TRPM1: variants seen among roughly 807,000 people sequenced by gnomAD.
The protein encoded by TRPM1 is TRPM1-203 APA Isoform, Intron 10.
Under a neutral mutation model 149.4 loss-of-function variants are expected in TRPM1, and 113 were observed. That is an observed-to-expected ratio of 0.76 (90% confidence interval 0.65 to 0.88). The LOEUF (loss-of-function observed/expected upper bound fraction) is 0.88. Among genes scored for constraint, TRPM1 ranks in the 40% least tolerant of loss-of-function variants. TRPM1 has a pLI of 0.00. For synonymous variants in TRPM1, 741 were observed against 759.5 expected, an observed-to-expected ratio of 0.98 and a Z score of 0.40; for missense variants, 1,976 against 2,038.7, an observed-to-expected ratio of 0.97 and a Z score of 0.59.
intron 4 of TRPM1, 111 bp downstream of exon 4, chr15:31,069,920 G>A (rs780163346): frequency 1.2e-6 from 2 of 1,609,448 alleles, no homozygotes; most frequent in Non-Finnish European, 1.7e-6. Flanking sequence ...TATCTAGGAA[G>A]ATTGAGCCAC....
At chr15:31,134,772 T>C (rs550690512) in intron 1 of TRPM1, among the ~76,000 whole-genome samples, 1 of 152,310 alleles carries the variant, frequency 6.6e-6, no homozygotes, top group South Asian at 2.1e-4. Flanking sequence ...GAGGCCAAGG[T>C]GGGCAGATCA....
chr15:31,141,109 G>T (rs1447605588), intron 1 of TRPM1, among the ~76,000 whole-genome samples: 1 of 151,948 alleles, frequency 6.6e-6, no homozygotes, highest in Non-Finnish European at 1.5e-5. Flanking sequence ...TGGGATTACA[G>T]GCATGAGCCA....
Position 31,161,067 on chromosome 15 carries a change from C to T in TRPM1, c.-108G>A, listed in dbSNP as rs560337617. The T allele has an allele frequency of 6.5e-5, 75 of 1,147,684 alleles. No individual in the cohort carries two copies. In the African/African-American group the frequency reaches 8.3e-4, roughly 13 times the overall value. The allele number at this position is 1,147,684 out of a possible 1,614,324, so 71.1% of individuals were successfully genotyped here. ...GGCAGGAGCGGAGCCACACACTCGG[C>T]GGCAGCCCCACACTCGGCGGCAGCC... On this transcript the variant is annotated 5_prime_UTR_variant, in exon 1 of 27. Transcript: ENST00000542188.
intron 1 of TRPM1, among the ~76,000 whole-genome samples, chr15:31,112,152 C>A (rs558313667): frequency 6.6e-6 from 1 of 152,272 alleles, no homozygotes; most frequent in African/African-American, 2.4e-5. Flanking sequence ...ATGTGGCATT[C>A]TACTTTTTAA....
intron 1 of TRPM1, among the ~76,000 whole-genome samples, chr15:31,124,531 G>A (rs2035919708): frequency 6.6e-6 from 1 of 151,592 alleles, no homozygotes. Flanking sequence ...GTGCACACCT[G>A]TAATCCCAGC....
chr15:31,126,836 G>A (rs757392211), intron 1 of TRPM1, among the ~76,000 whole-genome samples: 17 of 152,184 alleles, frequency 1.1e-4, no homozygotes, highest in Non-Finnish European at 1.8e-4. Flanking sequence ...GTGTGGTGGC[G>A]AACGCCTGCA....
In TRPM1 at chr15:31,026,219, C is replaced by G. The variant is rs182549235; in HGVS notation, c.3549G>C (p.Gln1183His). The G allele has an allele frequency of 5.0e-3, 8,069 of 1,612,564 alleles. 28 individuals carry two copies. The highest frequency in any genetic ancestry group is 5.9e-3 in the Non-Finnish European group (6,941 of 1,180,034). The change falls in exon 27 of 28, where the codon CAG (glutamine) becomes CAC (histidine). Residue 1183 changes from glutamine (Q) to histidine (H), a missense_variant. Around this residue, in one of 3 missense-constraint regions of TRPM1, gnomAD observed 572 missense variants for 578.9 expected, o/e 0.99. Coordinates refer to ENST00000256552, the MANE Select transcript of TRPM1 (RefSeq NM_001252024.2). ...TCTCCCGGAAGTGCTCCTGCACGCA[C>G]TGCTCCTCGAACTCATGCAGCCTCT... Reference protein sequence around the residue: ...ELKRLHEFEEQCVQEHFREKE... With the variant: ...ELKRLHEFEEHCVQEHFREKE...
intron 1 of TRPM1, among the ~76,000 whole-genome samples, chr15:31,092,008 C>G (rs1324089860): frequency 6.6e-6 from 1 of 151,838 alleles, no homozygotes; most frequent in Non-Finnish European, 1.5e-5. Context: ...GGGACTCAGC[C>G]CTTCGGAGCT....
intron 27 of TRPM1, among the ~76,000 whole-genome samples, chr15:31,014,379 G>C (rs1407573179): frequency 6.6e-6 from 1 of 152,124 alleles, no homozygotes; most frequent in Non-Finnish European, 1.5e-5. Context: ...TACAAAACAA[G>C]TAATTATAAT....
At chr15:31,006,149 T>C (rs7167074) in intron 27 of TRPM1, among the ~76,000 whole-genome samples, 37,320 of 152,120 alleles carry the variant, frequency 0.25, 4,935 homozygotes, top group Non-Finnish European at 0.29. Context: ...TTAATTAAGG[T>C]TGATGCTCTC....
In TRPM1 at chr15:31,033,245, G is replaced by A. The variant is rs145186064; in HGVS notation, c.2701-305C>T. Among the ~76,000 whole-genome samples the A allele has an allele frequency of 5.0e-3, 765 of 152,282 alleles. 9 individuals carry two copies. The highest frequency in any genetic ancestry group is 0.017 in the African/African-American group (725 of 41,562). ...TTTTTAATTATCTGGACACGTGCCTGTTACTCCACATTCCAGAGTCACACA... is the reference window on the plus strand; with the variant it reads ...TTTTTAATTATCTGGACACGTGCCTATTACTCCACATTCCAGAGTCACACA... On this transcript the variant is annotated intron_variant, in intron 21 of 27. Transcript: ENST00000256552.
chr15:31,001,548 T>C lies in TRPM1; in HGVS notation c.*274A>G. The C allele has an allele frequency of 2.1e-6, 1 of 482,584 alleles. No individual in the cohort carries two copies. Among genetic ancestry groups the C allele is most frequent in the East Asian group, 4.0e-5 (1 of 25,118 alleles). 29.9% of individuals were successfully genotyped at this position (482,584 alleles called of 1,614,324 possible). A position where few individuals can be genotyped will look rare whatever the true frequency, so the allele number is the denominator to read the frequency against. ...TAGGCTATTTGGTGGCCCTCAGTAA[T>C]AAAGAGATTGTATAATCTTGTATAC... On this transcript the variant is annotated 3_prime_UTR_variant, in exon 28 of 28. Coordinates refer to ENST00000256552, the MANE Select transcript of TRPM1 (RefSeq NM_001252024.2).
rs762427013 is a variant in TRPM1, at chr15:31,038,035, G to C, written c.2439+9C>G. 6.2e-7 allele frequency: 1 copy of C among 1,613,942 alleles called. No homozygotes were observed. Among genetic ancestry groups the C allele is most frequent in the South Asian group, 1.1e-5 (1 of 91,074 alleles). On this transcript the variant is annotated intron_variant, in intron 19 of 27. Transcript: ENST00000256552. ...CACTGATATGCTTAGGGTCAAGTGT[G>C]TCACTGACCGTATTTTCCTCTTCTT...
At chr15:31,042,850 G>T (rs1460431965) in intron 16 of TRPM1, among the ~76,000 whole-genome samples, 3 of 152,218 alleles carry the variant, frequency 2.0e-5, no homozygotes, top group Admixed American at 2.0e-4. Flanking sequence ...TTCTGTGAAT[G>T]GATCAGGATT....
chr15:31,116,725 G>A lies in TRPM1; in HGVS notation c.55-39741C>T, dbSNP rs554727485. The stretch of plus-strand genomic sequence containing the variant: ...CACAGCTGAAAAACTGCAAGGCTTA[G>A]ACTATTTAAGAATTTCCTAGGGAAC... On this transcript the variant is annotated intron_variant, in intron 1 of 26. Coordinates refer to the TRPM1 transcript ENST00000542188. 2.0e-5 allele frequency among the ~76,000 whole-genome samples: 3 copies of A among 152,246 alleles called. No individual in the cohort carries two copies. In the South Asian group the frequency reaches 6.2e-4, roughly 32 times the overall value.
intron 1 of TRPM1, among the ~76,000 whole-genome samples, chr15:31,137,460 T>C (rs2036103905): frequency 6.6e-6 from 1 of 152,218 alleles, no homozygotes; most frequent in African/African-American, 2.4e-5. Context: ...GGCTGTTATA[T>C]GGAATGTTCC....
At chr15:31,046,346 T>C (rs2033763394) in intron 15 of TRPM1, 113 bp from the exon 16 acceptor site, 1 of 960,314 alleles carries the variant, frequency 1.0e-6, no homozygotes, top group Non-Finnish European at 1.7e-6. Flanking sequence ...AAGCACTTTG[T>C]ATCATTAACA....
At chr15:31,105,932 A>G (rs1596075725), upstream of TRPM1, among the ~76,000 whole-genome samples, 3 of 152,354 alleles carry the variant, frequency 2.0e-5, no homozygotes, top group East Asian at 5.8e-4. Flanking sequence ...GCAGATTTCC[A>G]GTAAGATTCA....
intron 1 of TRPM1, among the ~76,000 whole-genome samples, chr15:31,113,849 A>C (rs1454486138): frequency 6.6e-6 from 1 of 152,116 alleles, no homozygotes; most frequent in African/African-American, 2.4e-5. Context: ...CAAAACAACG[A>C]CGCTCCCACA....
Sources: allele counts gnomAD v4.1 joint callset (sites outside exome capture counted in the v4.1 genomes callset), GRCh38; gene constraint gnomAD v4.1.1; regional missense constraint gnomAD v4.1.1; transcripts MANE v1.5; gene names NCBI Gene and HGNC (gene_info 2026-07-23, HGNC 2026-07-21).